Variants in GXYLT2 observed in about 807,000 individuals in gnomAD.
GXYLT2 encodes glycosyltransferase 8 domain containing 4.
Under a neutral mutation model 45.8 loss-of-function variants are expected in GXYLT2, and 53 were observed. That is an observed-to-expected ratio of 1.16 (90% CI 0.93 to 1.46). The LOEUF is 1.46. Among genes scored for constraint, GXYLT2 ranks in the 40% most tolerant of loss-of-function variants. The pLI, the probability that GXYLT2 is intolerant of heterozygous loss-of-function variation, is 0.00. For synonymous variants in GXYLT2, 219 were observed against 214.2 expected (o/e 1.02, Z -0.19); for missense variants, 551 against 544.4 (o/e 1.01, Z -0.12).
At chr3:72,892,008 T>C (rs1380635836) in intron 1 of GXYLT2, among the ~76,000 whole-genome samples, 1 of 152,182 alleles carries the variant, frequency 6.6e-6, no homozygotes, top group Non-Finnish European at 1.5e-5. Context: ...TCCTTGAGCC[T>C]ACATACAGAA....
intron 2 of GXYLT2, among the ~76,000 whole-genome samples, chr3:72,917,382 G>A (rs189086030): frequency 1.6e-3 from 240 of 152,226 alleles, no homozygotes; most frequent in African/African-American, 3.5e-3. Flanking sequence ...TATGCCTAGC[G>A]TCAGTTCTAA....
chr3:72,972,555 T>C (rs1711006960), intron 6 of GXYLT2, among the ~76,000 whole-genome samples: 1 of 149,762 alleles, frequency 6.7e-6, no homozygotes, highest in Admixed American at 6.7e-5. Context: ...GCAGGAGAAT[T>C]TCTTGAACCC....
intron 3 of GXYLT2, among the ~76,000 whole-genome samples, chr3:72,928,738 T>C (rs1559737757): frequency 6.6e-6 from 1 of 151,802 alleles, no homozygotes; most frequent in Non-Finnish European, 1.5e-5. Context: ...TTAATTTAAT[T>C]GGATCAGACT....
At chr3:72,948,978 G>A (rs1235001368) in intron 3 of GXYLT2, among the ~76,000 whole-genome samples, 1 of 152,132 alleles carries the variant, frequency 6.6e-6, no homozygotes. Context: ...TTCGGGTGAG[G>A]AAGCAGAGAA....
At chr3:72,945,741 A>G (rs2107130674) in intron 3 of GXYLT2, among the ~76,000 whole-genome samples, 1 of 152,328 alleles carries the variant, frequency 6.6e-6, no homozygotes, top group Admixed American at 6.5e-5. Context: ...CATGAACAGC[A>G]GGAGCTCCCT....
rs767869583 is a variant in GXYLT2 at position 72,971,948 on chromosome 3, A to G, written c.1150-3029A>G. The stretch of plus-strand genomic sequence containing the variant: ...TGGGCGACAGAGTGACACTCCATCT[A>G]AAAAAAAAAAAAAAAAGATATAAGG... On this transcript the variant is annotated intron_variant, in intron 6 of 6. Transcript: ENST00000389617. Among the ~76,000 whole-genome samples, 4 of 130,108 alleles carry G rather than the reference A, an allele frequency of 3.1e-5. No homozygotes were observed. In the East Asian group the frequency reaches 8.3e-4, roughly 27 times the overall value. The allele number at this position is 130,108 out of a possible 152,430, so 85.4% of individuals were successfully genotyped here.
intron 5 of GXYLT2, among the ~76,000 whole-genome samples, chr3:72,963,833 C>T (rs1710812730): frequency 6.6e-6 from 1 of 152,082 alleles, no homozygotes; most frequent in African/African-American, 2.4e-5. Context: ...CCACCACGCC[C>T]AGCTAATTTT....
At chr3:72,955,064 C>G in intron 3 of GXYLT2, 34 bp from the exon 4 acceptor site, 2 of 1,603,402 alleles carry the variant, frequency 1.2e-6, no homozygotes, top group East Asian at 2.2e-5. Context: ...TTCTTCCCTC[C>G]TCTCCCCTTT....
intron 2 of GXYLT2, among the ~76,000 whole-genome samples, chr3:72,910,617 C>A (rs77251082): frequency 2.0e-5 from 3 of 152,188 alleles, no homozygotes; most frequent in African/African-American, 7.2e-5. Context: ...TTCTGTACAG[C>A]CTCTTAGGTT....
intron 3 of GXYLT2, among the ~76,000 whole-genome samples, chr3:72,944,200 G>A (rs925953058): frequency 1.7e-4 from 25 of 150,958 alleles, no homozygotes; most frequent in Non-Finnish European, 2.2e-4. Context: ...CAATCCTCCT[G>A]CCTCAGCCTC....
chr3:72,976,716 AG>A lies in GXYLT2; in HGVS notation c.*1558del, dbSNP rs1398792055. ...TATTTTTCTCAAATGACTATTGCAT[AG>A]ATGATCTTGATATTTGCAACAGCCT... On this transcript the variant is annotated 3_prime_UTR_variant, in exon 7 of 7. Coordinates refer to ENST00000389617, the MANE Select transcript of GXYLT2 (RefSeq NM_001080393.2). 2.0e-5 allele frequency: 3 copies of A among 152,200 alleles called. No homozygotes were observed. Among genetic ancestry groups the A allele is most frequent in the African/African-American group, 7.2e-5 (3 of 41,448 alleles). The allele number at this position is 152,200 out of a possible 1,614,324, so 9.4% of individuals were successfully genotyped here. A position where few individuals can be genotyped will look rare whatever the true frequency, so the allele number is the denominator to read the frequency against.
chr3:72,928,395 A>G (rs1347243756), intron 3 of GXYLT2, among the ~76,000 whole-genome samples: 1 of 152,162 alleles, frequency 6.6e-6, no homozygotes, highest in Non-Finnish European at 1.5e-5. Flanking sequence ...ATAAAAATTC[A>G]CCTTCTACCT....
At chr3:72,958,941 T>TC (rs1446914974) in intron 5 of GXYLT2, among the ~76,000 whole-genome samples, 1 of 139,142 alleles carries the variant, frequency 7.2e-6, no homozygotes, top group East Asian at 2.5e-4. Flanking sequence ...TATTTTTTTT[T>TC]CTTTTTTTTT....
rs144293892 is a variant in GXYLT2, at chr3:72,913,010, G to A, written c.468+4451G>A. 7.0e-3 allele frequency among the ~76,000 whole-genome samples: 1,063 copies of A among 151,240 alleles called. 6 individuals are homozygous for A. The highest frequency in any genetic ancestry group is 0.024 in the Middle Eastern group (7 of 288). On this transcript the variant is annotated intron_variant, in intron 2 of 6. Coordinates refer to ENST00000389617, the MANE Select transcript of GXYLT2 (RefSeq NM_001080393.2). ...TCCTGATGACTTTATCCCTTTGATG[G>A]TTCATTTCCTCAGGTTTTTTTTTTG...
chr3:72,893,986 C>T (rs1290245654), intron 1 of GXYLT2, among the ~76,000 whole-genome samples: 2 of 152,102 alleles, frequency 1.3e-5, no homozygotes, highest in Non-Finnish European at 2.9e-5. Flanking sequence ...TCTCTGCCAA[C>T]AGCTATTGGT....
intron 3 of GXYLT2, chr3:72,928,973 G>A (rs917856546): frequency 6.4e-6 from 6 of 934,698 alleles, no homozygotes; most frequent in African/African-American, 4.9e-5. Context: ...CCGCGCCCTC[G>A]GTACCGCCCC....
chr3:72,959,368 T>A (rs756450635), intron 5 of GXYLT2, among the ~76,000 whole-genome samples: 14 of 151,918 alleles, frequency 9.2e-5, no homozygotes, highest in Non-Finnish European at 1.3e-4. Context: ...TCCACCTGCC[T>A]CGGCCTCCCA....
rs970900580 is a variant in GXYLT2, at chr3:72,976,098, A to G, written c.*939A>G. On this transcript the variant is annotated 3_prime_UTR_variant, in exon 7 of 7. Coordinates refer to ENST00000389617, the MANE Select transcript of GXYLT2 (RefSeq NM_001080393.2). ...AAGTGTGTGCCACCACACCCGGCTAATTTTTGTATTTTTAGTAGAGACACG... is the reference window on the plus strand; with the variant it reads ...AAGTGTGTGCCACCACACCCGGCTAGTTTTTGTATTTTTAGTAGAGACACG... The G allele has an allele frequency of 6.6e-6, 1 of 151,654 alleles. No individual in the cohort carries two copies. Among genetic ancestry groups the G allele is most frequent in the Non-Finnish European group, 1.5e-5 (1 of 67,936 alleles). The allele number at this position is 151,654 out of a possible 1,614,324, so 9.4% of individuals were successfully genotyped here.
At chr3:72,915,569 G>A (rs1225335418) in intron 2 of GXYLT2, among the ~76,000 whole-genome samples, 1 of 152,010 alleles carries the variant, frequency 6.6e-6, no homozygotes, top group East Asian at 1.9e-4. Flanking sequence ...GGCGCGGGTG[G>A]CTCACGCCTG....
Sources: gnomAD v4.1 joint callset for allele counts (sites outside exome capture counted in the v4.1 genomes callset) on GRCh38, gnomAD v4.1.1 for gene constraint, MANE v1.5 for transcripts, NCBI Gene and HGNC (gene_info 2026-07-23, HGNC 2026-07-21) for gene names.